GTPBP10: variants seen among roughly 807,000 people sequenced by gnomAD.
The protein encoded by GTPBP10 is GTP-binding protein 10.
In GTPBP10, 38 loss-of-function variants were observed where a neutral mutation model predicts 44.8. The observed-to-expected ratio is 0.85, with a 90% CI of 0.65 to 1.11. The LOEUF is 1.11. GTPBP10 is among the 50% of genes most tolerant of loss of function. The pLI is 0.00. For missense variants in GTPBP10, 462 were observed against 453.7 expected, an observed-to-expected ratio of 1.02 and a Z score of -0.17; for synonymous variants, 152 against 150.6, an observed-to-expected ratio of 1.01 and a Z score of -0.07.
intron 4 of GTPBP10, among the ~76,000 whole-genome samples, chr7:90,359,264 T>C (rs1165578425): frequency 2.6e-5 from 4 of 152,148 alleles, no homozygotes; most frequent in African/African-American, 9.7e-5. Context: ...TCATTTACAT[T>C]AGGCATATCT....
intron 4 of GTPBP10, among the ~76,000 whole-genome samples, chr7:90,359,175 G>T (rs543972407): frequency 2.6e-5 from 4 of 151,198 alleles, no homozygotes; most frequent in Admixed American, 6.6e-5. Flanking sequence ...TATGCTTTAA[G>T]TTCTAGGGTA....
At chr7:90,365,401 A>T (rs1436059811) in intron 4 of GTPBP10, among the ~76,000 whole-genome samples, 1 of 101,260 alleles carries the variant, frequency 9.9e-6, no homozygotes, top group Non-Finnish European at 1.8e-5. Flanking sequence ...TTTGAGACGG[A>T]GTCTCGCTCT....
At chr7:90,353,052 C>A in intron 2 of GTPBP10, 43 bp downstream of exon 2, 2 of 1,349,316 alleles carry the variant, frequency 1.5e-6, no homozygotes, top group East Asian at 2.5e-5. Flanking sequence ...AAATCAAACC[C>A]TTCTGGAAAT....
At chr7:90,365,368 CTTTTTTTTTTT>C (rs59645149) in intron 4 of GTPBP10, among the ~76,000 whole-genome samples, 14,381 of 90,780 alleles carry the variant, frequency 0.16, 1,029 homozygotes, top group Middle Eastern at 0.23. Context: ...TTGGGGTTTT[CTTTTTTTTTTT>C]TTTTTTTTTT....
chr7:90,353,026 T>A lies in GTPBP10; in HGVS notation c.227+17T>A. 7 of 1,490,576 alleles carry A rather than the reference T, an allele frequency of 4.7e-6. No homozygotes were observed. The highest frequency in any genetic ancestry group is 6.3e-6 in the Non-Finnish European group (7 of 1,109,622). 92.3% of individuals were successfully genotyped at this position (1,490,576 alleles called of 1,614,324 possible). ...AAACAGCAAGTAAGTAATTACTGAA[T>A]GACTTAAATTTTAGAAAATCAAACC... On this transcript the variant is annotated intron_variant, in intron 2 of 9. Coordinates refer to ENST00000222511, the MANE Select transcript of GTPBP10 (RefSeq NM_033107.4).
chr7:90,365,298 TTG>T (rs941622949), intron 4 of GTPBP10, among the ~76,000 whole-genome samples: 35 of 152,212 alleles, frequency 2.3e-4, no homozygotes, highest in Admixed American at 5.9e-4. Flanking sequence ...CTCATTGATT[TTG>T]TGTCCTGAGA....
chr7:90,363,262 G>C (rs558443879), intron 4 of GTPBP10, among the ~76,000 whole-genome samples: 2 of 152,336 alleles, frequency 1.3e-5, no homozygotes, highest in Non-Finnish European at 2.9e-5. Context: ...TGTTTTTACA[G>C]TGGCTGGTAC....
chr7:90,352,657 G>T (rs983262534), intron 1 of GTPBP10, among the ~76,000 whole-genome samples, 159 bp from the exon 2 acceptor site: 1 of 152,194 alleles, frequency 6.6e-6, no homozygotes, highest in African/African-American at 2.4e-5. Context: ...GGGTCAGATC[G>T]GAGATGTGGA....
At chr7:90,375,724 C>G (rs1019618648) in intron 6 of GTPBP10, among the ~76,000 whole-genome samples, 1 of 151,968 alleles carries the variant, frequency 6.6e-6, no homozygotes, top group African/African-American at 2.4e-5. Flanking sequence ...CTTTAAGACC[C>G]TGAATTATTT....
At chr7:90,374,207 T>C in intron 5 of GTPBP10, 95 bp from the exon 6 acceptor site, 1 of 843,866 alleles carries the variant, frequency 1.2e-6, no homozygotes, top group Non-Finnish European at 2.0e-6. Flanking sequence ...AAAATCTGAA[T>C]TGAAATATTG....
intron 4 of GTPBP10, among the ~76,000 whole-genome samples, chr7:90,371,518 C>T (rs1258774571): frequency 6.6e-6 from 1 of 152,086 alleles, no homozygotes; most frequent in African/African-American, 2.4e-5. Context: ...AAAATGAAGA[C>T]TTTGGAAAAG....
At position 90,354,485 on chromosome 7, in the gene GTPBP10, A is replaced by G. The variant is rs1457530235; in HGVS notation, c.255A>G (p.Gly85=). ...TTAGTGCACTGAAAGGCTCCAAAGG[A>G]AAAGACTGTGAAATCCCTGTGCCTG... ...SKISALKGSK[G]KDCEIPVPVG... The change falls in exon 3 of 10, where the codon GGA becomes GGG. Residue 85 remains glycine (G), a synonymous_variant. Coordinates refer to ENST00000222511, the MANE Select transcript of GTPBP10 (RefSeq NM_033107.4). 2 of 1,587,754 alleles carry G rather than the reference A, an allele frequency of 1.3e-6. No homozygotes were observed. The highest frequency in any genetic ancestry group is 1.1e-5 in the South Asian group (1 of 87,520).
chr7:90,353,486 A>G (rs1336938378), intron 2 of GTPBP10, among the ~76,000 whole-genome samples: 2 of 152,340 alleles, frequency 1.3e-5, no homozygotes, highest in Non-Finnish European at 2.9e-5. Context: ...GTATTTTACA[A>G]TCTGCTATTT....
At chr7:90,372,089 T>C (rs951338261) in intron 4 of GTPBP10, 66 bp from the exon 5 acceptor site, 2 of 942,862 alleles carry the variant, frequency 2.1e-6, no homozygotes, top group African/African-American at 3.2e-5. Context: ...GAAGTCTACT[T>C]GAATTGTTAG....
chr7:90,354,904 T>A (rs1447055990), intron 3 of GTPBP10, among the ~76,000 whole-genome samples, 182 bp from the exon 4 acceptor site: 1 of 152,218 alleles, frequency 6.6e-6, no homozygotes, highest in Non-Finnish European at 1.5e-5. Context: ...AATTATAGAT[T>A]TGTAATTGAG....
rs767832349 is a variant in GTPBP10, at chr7:90,346,766, T to C, written c.25T>C (p.Phe9Leu). 5.0e-6 allele frequency: 8 copies of C among 1,614,102 alleles called. No individual in the cohort carries two copies. In the Admixed American group the frequency reaches 1.2e-4, roughly 24 times the overall value. The part of the protein sequence containing the change: MVHCSCVL[F>L]RKYGNFIDKL... ...CATGGTGCATTGCAGTTGCGTGTTGTTCAGAAAGGTCCGTGCGGGTCCCCT... is the reference window on the plus strand; with the variant it reads ...CATGGTGCATTGCAGTTGCGTGTTGCTCAGAAAGGTCCGTGCGGGTCCCCT... The change falls in exon 1 of 10, where the codon TTC becomes CTC. Residue 9 changes from phenylalanine (F) to leucine (L), a missense_variant. Coordinates refer to ENST00000222511, the MANE Select transcript of GTPBP10 (RefSeq NM_033107.4).
intron 4 of GTPBP10, among the ~76,000 whole-genome samples, chr7:90,367,608 C>CT: frequency 6.6e-6 from 1 of 152,138 alleles, no homozygotes; most frequent in Non-Finnish European, 1.5e-5. Context: ...GCAACCCCTG[C>CT]CTTTTTTTGT....
intron 4 of GTPBP10, among the ~76,000 whole-genome samples, chr7:90,368,802 C>T (rs1029662410): frequency 1.3e-5 from 2 of 152,192 alleles, no homozygotes; most frequent in Admixed American, 1.3e-4. Context: ...GTTAATTTGT[C>T]AAACTCATTC....
At chr7:90,381,613 T>C (rs1446785699) in intron 8 of GTPBP10, among the ~76,000 whole-genome samples, 1 of 152,166 alleles carries the variant, frequency 6.6e-6, no homozygotes, top group South Asian at 2.1e-4. Flanking sequence ...AGCAATCTTA[T>C]CTTGAGCAAA....
Sources: gnomAD v4.1 joint callset for allele counts (sites outside exome capture counted in the v4.1 genomes callset) on GRCh38, gnomAD v4.1.1 for gene constraint, MANE v1.5 for transcripts, NCBI Gene and HGNC (gene_info 2026-07-23, HGNC 2026-07-21) for gene names.